The following EYS variants were observed in gnomAD, a reference collection of about 807,000 sequenced individuals.
The protein encoded by EYS is EGF-like photoreceptor maintenance factor.
EYS carries 250 observed loss-of-function variants against 282.1 expected under a neutral mutation model. That is an observed-to-expected ratio of 0.89 (90% CI 0.80 to 0.98). The LOEUF (loss-of-function observed/expected upper bound fraction) is 0.98, where lower values mean the gene tolerates loss of function less well. Among genes scored for constraint, EYS ranks in the 50% least tolerant of loss-of-function variants. EYS has a pLI of 0.00. For synonymous variants in EYS, 1,355 were observed against 1,282.9 expected, an observed-to-expected ratio of 1.06 and a Z score of -1.20; for missense variants, 4,016 against 3,709.0, an observed-to-expected ratio of 1.08 and a Z score of -2.15.
At chr6:63,899,611 C>T (rs1020871336) in intron 35 of EYS, among the ~76,000 whole-genome samples, 13 of 152,204 alleles carry the variant, frequency 8.5e-5, no homozygotes, top group African/African-American at 2.9e-4. Context: ...AAAGGCTGGG[C>T]CAATTCCTGT....
At chr6:65,389,719 G>T (rs1230616935) in intron 7 of EYS, among the ~76,000 whole-genome samples, 1 of 152,084 alleles carries the variant, frequency 6.6e-6, no homozygotes, top group African/African-American at 2.4e-5. Context: ...TGGCAGAAAA[G>T]AAGCTTTGTT....
intron 5 of EYS, among the ~76,000 whole-genome samples, chr6:65,444,436 G>C (rs952832364): frequency 6.6e-6 from 1 of 151,956 alleles, no homozygotes; most frequent in Non-Finnish European, 1.5e-5. Context: ...TAAACAAGTG[G>C]TGCTTACTTT....
At chr6:65,281,876 TTTAG>T (rs1768229470) in intron 12 of EYS, among the ~76,000 whole-genome samples, 1 of 152,112 alleles carries the variant, frequency 6.6e-6, no homozygotes, top group Non-Finnish European at 1.5e-5. Flanking sequence ...TCTAATTTTA[TTTAG>T]TATTTGGGTA....
At chr6:65,684,948 G>A (rs1295713702) in intron 1 of EYS, among the ~76,000 whole-genome samples, 2 of 151,818 alleles carry the variant, frequency 1.3e-5, no homozygotes, top group African/African-American at 2.4e-5. Context: ...TGTGTCCATA[G>A]GTACTCAATG....
At chr6:64,414,664 A>G (rs16895188) in intron 28 of EYS, among the ~76,000 whole-genome samples, 5,475 of 152,234 alleles carry the variant, frequency 0.036, 232 homozygotes, top group African/African-American at 0.1. Flanking sequence ...TGGTGAGGTT[A>G]TAAGAAAAGG....
intron 5 of EYS, among the ~76,000 whole-genome samples, chr6:65,471,579 G>A (rs1404017872): frequency 6.6e-6 from 1 of 152,052 alleles, no homozygotes; most frequent in East Asian, 1.9e-4. Flanking sequence ...TGACATCATT[G>A]TAATTTATGT....
chr6:65,153,737 G>A (rs1046855026), intron 12 of EYS, among the ~76,000 whole-genome samples: 2 of 151,624 alleles, frequency 1.3e-5, no homozygotes, highest in African/African-American at 4.8e-5. Flanking sequence ...AGATTGAAAA[G>A]CATCTCTCTG....
At chr6:64,816,107 T>G (rs75139813) in intron 21 of EYS, among the ~76,000 whole-genome samples, 1 of 152,064 alleles carries the variant, frequency 6.6e-6, no homozygotes. Context: ...GGTAGTGGAA[T>G]ACTTTCCTCA....
intron 19 of EYS, among the ~76,000 whole-genome samples, chr6:64,854,738 A>G (rs1318990325): frequency 6.6e-6 from 1 of 152,112 alleles, no homozygotes; most frequent in Non-Finnish European, 1.5e-5. Context: ...CAGTTAAAAT[A>G]TAATAATAAA....
intron 22 of EYS, among the ~76,000 whole-genome samples, chr6:64,643,703 T>G (rs904348027): frequency 1.3e-5 from 2 of 152,218 alleles, no homozygotes. Context: ...TTCTCCTGCT[T>G]TCTCATGATA....
At chr6:64,276,843 A>C (rs1423692261) in intron 30 of EYS, among the ~76,000 whole-genome samples, 1 of 152,138 alleles carries the variant, frequency 6.6e-6, no homozygotes, top group Non-Finnish European at 1.5e-5. Flanking sequence ...GTTCATTTCT[A>C]TTATTGTCAC....
intron 35 of EYS, among the ~76,000 whole-genome samples, chr6:63,942,516 G>A (rs1285872102): frequency 6.6e-6 from 1 of 152,064 alleles, no homozygotes; most frequent in Non-Finnish European, 1.5e-5. Flanking sequence ...TCCAATCAGT[G>A]GCAGACGATG....
At chr6:65,546,597 T>C (rs957268603) in intron 2 of EYS, among the ~76,000 whole-genome samples, 21 of 152,084 alleles carry the variant, frequency 1.4e-4, no homozygotes, top group Non-Finnish European at 2.2e-4. Context: ...TTTTTTGTTT[T>C]TTGAGACAGA....
chr6:65,424,543 C>T (rs950804378), intron 5 of EYS, among the ~76,000 whole-genome samples: 5 of 151,800 alleles, frequency 3.3e-5, no homozygotes, highest in African/African-American at 1.2e-4. Flanking sequence ...ACAGATTTTC[C>T]ATGTTTAATG....
At chr6:65,431,288 C>G (rs940810201) in intron 5 of EYS, among the ~76,000 whole-genome samples, 1 of 152,116 alleles carries the variant, frequency 6.6e-6, no homozygotes, top group Non-Finnish European at 1.5e-5. Context: ...CTTAATATCA[C>G]CATCCTGTAT....
intron 39 of EYS, among the ~76,000 whole-genome samples, chr6:63,780,735 A>G (rs1770200256): frequency 6.6e-6 from 1 of 152,164 alleles, no homozygotes; most frequent in Non-Finnish European, 1.5e-5. Flanking sequence ...TTTGCTGTGC[A>G]GAAGCTCTTT....
chr6:65,465,320 T>G (rs1418851432), intron 5 of EYS, among the ~76,000 whole-genome samples: 1 of 151,844 alleles, frequency 6.6e-6, no homozygotes, highest in Non-Finnish European at 1.5e-5. Context: ...TCCCCCCATT[T>G]TTTTTAATTA....
intron 29 of EYS, among the ~76,000 whole-genome samples, chr6:64,323,477 T>A (rs146474872): frequency 6.6e-6 from 1 of 152,174 alleles, no homozygotes; most frequent in South Asian, 2.1e-4. Context: ...CCTGCTATGA[T>A]GTTTCATGTA....
chr6:64,440,307 A>G (rs1774897122), intron 26 of EYS, among the ~76,000 whole-genome samples: 1 of 151,992 alleles, frequency 6.6e-6, no homozygotes, highest in East Asian at 1.9e-4. Context: ...GGAATTTTTA[A>G]TGATGCTTTA....
Sources: gnomAD v4.1 joint callset for allele counts (sites outside exome capture counted in the v4.1 genomes callset) on GRCh38, gnomAD v4.1.1 for gene constraint, MANE v1.5 for transcripts, NCBI Gene and HGNC (gene_info 2026-07-23, HGNC 2026-07-21) for gene names.